The following THOP1 variants were observed in gnomAD, a reference collection of about 807,000 sequenced individuals.
THOP1 encodes the protein thimet oligopeptidase.
In THOP1, 49 loss-of-function variants were observed where a neutral mutation model predicts 71.8. The observed-to-expected ratio is 0.68, with a 90% CI of 0.54 to 0.87. The LOEUF (loss-of-function observed/expected upper bound fraction) is 0.87, where lower values mean the gene tolerates loss of function less well. Among genes scored for constraint, THOP1 ranks in the 40% least tolerant of loss-of-function variants. The pLI, the probability that THOP1 is intolerant of heterozygous loss-of-function variation, is 0.00. For missense variants in THOP1, 843 were observed against 975.6 expected (o/e 0.86, Z 1.81); for synonymous variants, 426 against 421.5 (o/e 1.01, Z -0.13).
chr19:2,812,282 G>A lies in THOP1; in HGVS notation c.1908+548G>A, dbSNP rs76446250. The A allele has an allele frequency of 6.8e-3, 10,418 of 1,535,362 alleles. 581 individuals are homozygous for A. The African/African-American group carries it at 0.12, about 18-fold the overall frequency. On this transcript the variant is annotated intron_variant, in intron 12 of 12. Transcript: ENST00000307741. ...GGTGTGACCCAGGCTCGGGACAGCCGCCAGAGTCCCTCACAAGGAACAGGT... is the reference window on the plus strand; with the variant it reads ...GGTGTGACCCAGGCTCGGGACAGCCACCAGAGTCCCTCACAAGGAACAGGT...
In THOP1 at chr19:2,790,569, G is replaced by A; in HGVS notation, c.165G>A (p.Glu55=). 1 of 1,606,342 alleles carries A rather than the reference G, an allele frequency of 6.2e-7. No individual in the cohort carries two copies. The highest frequency in any genetic ancestry group is 8.5e-7 in the Non-Finnish European group (1 of 1,176,568). The change falls in exon 2 of 13, where the codon GAG becomes GAA. Residue 55 remains glutamate, a synonymous_variant. Coordinates refer to ENST00000307741, the MANE Select transcript of THOP1 (RefSeq NM_003249.5). The part of the protein sequence containing the change: ...KRVYDQVGTQ[E]FEDVSYESTL... The stretch of plus-strand genomic sequence containing the variant: ...TGTATGACCAGGTTGGCACCCAGGA[G>A]TTTGAGGACGTGTCCTACGAGAGCA...
chr19:2,810,534 G>A lies in THOP1; in HGVS notation c.1642+44G>A, dbSNP rs956452268. On this transcript the variant is annotated intron_variant, in intron 10 of 12. Transcript: ENST00000307741. The stretch of plus-strand genomic sequence containing the variant: ...GGGAAGGGTGCTAACCTCGGGGGGC[G>A]GCACACAGCTGGGGCCTGGCATGTG... The A allele has an allele frequency of 1.2e-5, 18 of 1,530,022 alleles. No individual in the cohort carries two copies. The East Asian group carries it at 1.2e-4, about 10-fold the overall frequency. 94.8% of individuals were successfully genotyped at this position (1,530,022 alleles called of 1,614,324 possible).
In THOP1 at chr19:2,810,503, C is replaced by A. The variant is rs3752056; in HGVS notation, c.1642+13C>A. 59 of 1,545,784 alleles carry A rather than the reference C, an allele frequency of 3.8e-5. No individual in the cohort carries two copies. The East Asian group carries it at 9.4e-4, about 25-fold the overall frequency. On this transcript the variant is annotated intron_variant, in intron 10 of 12. Transcript: ENST00000307741. ...CAGGCCAACACAGGTGCACCCGCCC[C>A]GTCCGGGGAAGGGTGCTAACCTCGG...
rs770472283 is a variant in THOP1, at chr19:2,805,028, A to T, written c.602A>T (p.Glu201Val). 7.4e-6 allele frequency: 12 copies of T among 1,612,278 alleles called. No individual in the cohort carries two copies. The highest frequency in any genetic ancestry group is 9.3e-6 in the Non-Finnish European group (11 of 1,179,530). Residue 201 changes from glutamate to valine, a missense_variant, in exon 6 of 13, where the codon GAG becomes GTG. Coordinates refer to ENST00000307741, the MANE Select transcript of THOP1 (RefSeq NM_003249.5). This position sits in a 1 kb window ranked among gnomAD's most constrained non-coding sequence, Gnocchi z 6.6. ...FTLQELGGLP[E>V]DFLNSLEKME... ...TCTGTCCCCATAGGAGGGCTCCCCG[A>T]GGACTTTCTGAACTCCCTGGAGAAG...
chr19:2,811,936 T>G (rs1020205872), intron 12 of THOP1: 2 of 1,273,026 alleles, frequency 1.6e-6, no homozygotes, highest in African/African-American at 3.0e-5. Context: ...ACCTTTGGCC[T>G]GGGCCTGGGT....
intron 1 of THOP1, among the ~76,000 whole-genome samples, chr19:2,790,179 A>T (rs1915842259): frequency 1.3e-5 from 2 of 152,196 alleles, no homozygotes; most frequent in South Asian, 4.1e-4. Flanking sequence ...CGCCAGGAGC[A>T]TCTGCAACCG....
intron 4 of THOP1, among the ~76,000 whole-genome samples, chr19:2,798,811 G>A (rs1265546155): frequency 2.0e-5 from 3 of 152,212 alleles, no homozygotes; most frequent in Non-Finnish European, 4.4e-5. Flanking sequence ...CCCGCCTGGC[G>A]GAGCTTCCAG....
At chr19:2,796,994 A>G (rs1022742370) in intron 4 of THOP1, among the ~76,000 whole-genome samples, 1 of 152,304 alleles carries the variant, frequency 6.6e-6, no homozygotes, top group Middle Eastern at 3.4e-3. Flanking sequence ...AGCGGCACCA[A>G]CAGAGCAGTG....
chr19:2,800,152 A>G (rs989202152), intron 5 of THOP1, among the ~76,000 whole-genome samples: 26 of 152,320 alleles, frequency 1.7e-4, no homozygotes, highest in African/African-American at 6.3e-4. Flanking sequence ...TTGAGACCCC[A>G]CTTCCTGCCT....
chr19:2,797,065 G>C (rs1203628611), intron 4 of THOP1, among the ~76,000 whole-genome samples: 4 of 152,196 alleles, frequency 2.6e-5, no homozygotes, highest in African/African-American at 9.6e-5. Context: ...CGCCACATGG[G>C]AAGCATGGCT....
chr19:2,802,892 C>T (rs1390215678), intron 5 of THOP1, among the ~76,000 whole-genome samples: 1 of 152,250 alleles, frequency 6.6e-6, no homozygotes, highest in African/African-American at 2.4e-5. Flanking sequence ...TCCCAGTGCT[C>T]AAATCGTCCC....
At chr19:2,798,517 G>A (rs1164372953) in intron 4 of THOP1, among the ~76,000 whole-genome samples, 3 of 152,224 alleles carry the variant, frequency 2.0e-5, no homozygotes, top group South Asian at 4.1e-4. Context: ...GCGCGTCCCC[G>A]CGGCCCTTAG....
intron 5 of THOP1, among the ~76,000 whole-genome samples, chr19:2,803,662 A>G (rs1300746141): frequency 2.6e-5 from 4 of 152,290 alleles, no homozygotes; most frequent in Non-Finnish European, 5.9e-5. Context: ...CTTGGAAAGG[A>G]CGATGTGCAG....
In THOP1 at chr19:2,811,537, T is replaced by C. The variant is rs1448817539; in HGVS notation, c.1772-61T>C. The C allele has an allele frequency of 2.2e-5, 34 of 1,564,468 alleles. No homozygotes were observed. In the Admixed American group the frequency reaches 6.0e-4, roughly 28 times the overall value. ...CTCAGGAGTCTGGCTGGTTGTCTTC[T>C]CCTGGAGGAGGAGCATGGGGTGGGG... On this transcript the variant is annotated intron_variant, in intron 11 of 12. Coordinates refer to ENST00000307741, the MANE Select transcript of THOP1 (RefSeq NM_003249.5).
intron 4 of THOP1, 114 bp from the exon 5 acceptor site, chr19:2,799,575 C>T: frequency 3.6e-6 from 3 of 830,346 alleles, no homozygotes; most frequent in Non-Finnish European, 5.8e-6. Flanking sequence ...CTTCTTTCGG[C>T]CTGGTTCTTG....
chr19:2,797,316 C>T (rs924380296), intron 4 of THOP1, among the ~76,000 whole-genome samples: 1 of 152,180 alleles, frequency 6.6e-6, no homozygotes, highest in Non-Finnish European at 1.5e-5. Flanking sequence ...GAGCTGTTGG[C>T]TGTCTCTGGG....
At chr19:2,793,325 C>CT (rs1915928583) in intron 2 of THOP1, among the ~76,000 whole-genome samples, 1 of 152,174 alleles carries the variant, frequency 6.6e-6, no homozygotes, top group Admixed American at 6.5e-5. Context: ...TCCATCTCCC[C>CT]TGTCCCCAGC....
At position 2,813,895 on chromosome 19, in the gene THOP1, C is replaced by T. The variant is rs1056091889; in HGVS notation, c.*619C>T. The T allele has an allele frequency of 6.6e-6, 1 of 152,486 alleles. No individual in the cohort carries two copies. The highest frequency in any genetic ancestry group is 2.4e-5 in the African/African-American group (1 of 41,470). The allele number at this position is 152,486 out of a possible 1,614,324, so 9.4% of individuals were successfully genotyped here. On this transcript the variant is annotated 3_prime_UTR_variant, in exon 13 of 13. Coordinates refer to ENST00000307741, the MANE Select transcript of THOP1 (RefSeq NM_003249.5). ...CCATCAAGGACCAGGCTCCACTGGT[C>T]AGAGAGTCTGGAAAGTCAGGGCAGG...
At chr19:2,806,796 G>A in intron 6 of THOP1, 121 bp from the exon 7 acceptor site, 1 of 1,536,494 alleles carries the variant, frequency 6.5e-7, no homozygotes, top group Non-Finnish European at 8.8e-7. Context: ...GGCCGAGAGG[G>A]GCAGGGACCG....
Sources: gnomAD v4.1 joint callset for allele counts (sites outside exome capture counted in the v4.1 genomes callset) on GRCh38, gnomAD v4.1.1 for gene constraint, Gnocchi (gnomAD v3.1) non-coding constraint, MANE v1.5 for transcripts, NCBI Gene and HGNC (gene_info 2026-07-23, HGNC 2026-07-21) for gene names.